The following KLK9 variants were observed in gnomAD, a reference collection of about 807,000 sequenced individuals.
KLK9 encodes the protein kallikrein-9.
In KLK9, 26 loss-of-function variants were observed where a neutral mutation model predicts 23.3. The ratio of observed to expected loss-of-function variants is 1.12; its 90% CI spans 0.82 to 1.55. The LOEUF is 1.55. Ranked by LOEUF, KLK9 falls within the 40% of genes most tolerant of loss-of-function variation. KLK9 has a pLI of 0.00. For synonymous variants in KLK9, 122 were observed against 128.5 expected (o/e 0.95, Z 0.34); for missense variants, 346 against 333.7 (o/e 1.04, Z -0.29).
Position 51,002,887 on chromosome 19 carries a change from T to C in KLK9, c.*224A>G. On this transcript the variant is annotated 3_prime_UTR_variant, in exon 5 of 5. Coordinates refer to ENST00000594211, the MANE Select transcript of KLK9 (RefSeq NM_012315.2). The stretch of plus-strand genomic sequence containing the variant: ...TGTCGGTGACGTCATAGAGACGGGC[T>C]CTGAAGGGCGTGTCCCTGCTCCGTT... 2.0e-6 allele frequency: 1 copy of C among 490,216 alleles called. No individual in the cohort carries two copies. Among genetic ancestry groups the C allele is most frequent in the Non-Finnish European group, 3.6e-6 (1 of 280,616 alleles). 30.4% of individuals were successfully genotyped at this position (490,216 alleles called of 1,614,324 possible).
chr19:51,008,518 A>G (rs929257755), intron 2 of KLK9, among the ~76,000 whole-genome samples: 1 of 152,128 alleles, frequency 6.6e-6, no homozygotes, highest in Non-Finnish European at 1.5e-5. Flanking sequence ...TATTCAATGA[A>G]TCTAGAAAGC....
chr19:51,002,989 G>T lies in KLK9; in HGVS notation c.*122C>A. On this transcript the variant is annotated 3_prime_UTR_variant, in exon 5 of 5. Transcript: ENST00000594211. ...AGGGGCGGAGTCTTAGTGTCCAGAG[G>T]GGAGTCAGGGCAGCTGGAGGTCCAG... 1 of 1,207,328 alleles carries T rather than the reference G, an allele frequency of 8.3e-7. No individual in the cohort carries two copies. Among genetic ancestry groups the T allele is most frequent in the Non-Finnish European group, 1.1e-6 (1 of 873,670 alleles). The allele number at this position is 1,207,328 out of a possible 1,614,324, so 74.8% of individuals were successfully genotyped here.
rs578059107 is a variant in KLK9, at chr19:51,002,640, A to T, written c.*471T>A. On this transcript the variant is annotated 3_prime_UTR_variant, in exon 5 of 5. Coordinates refer to ENST00000594211, the MANE Select transcript of KLK9 (RefSeq NM_012315.2). ...CAGCACACGCCCAGGACGGGGCCAC[A>T]AGGGGCTGAGCTCTACACCGCCCGA... 1 of 153,490 alleles carries T rather than the reference A, an allele frequency of 6.5e-6. No individual in the cohort carries two copies. The highest frequency in any genetic ancestry group is 2.0e-4 in the East Asian group (1 of 5,072). 9.5% of individuals were successfully genotyped at this position (153,490 alleles called of 1,614,324 possible). A position where few individuals can be genotyped will look rare whatever the true frequency, so the allele number is the denominator to read the frequency against.
Position 51,006,481 on chromosome 19 carries a change from C to G in KLK9, c.443G>C (p.Trp148Ser). ...SPGMQCLISG[W>S]GAVSSPKALF... ...ACCCTTGGGGCTGGACACGGCCCCC[C>G]AGCCTGAGATGAGACACTGCATGCC... Residue 148 changes from tryptophan (W) to serine (S), a missense_variant, in exon 3 of 5, where the codon TGG (tryptophan) becomes TCG (serine). Physicochemically the swap from Trp to Ser is radical, Grantham distance 177. Transcript: ENST00000594211. This position sits in a 1 kb window ranked among gnomAD's most constrained non-coding sequence, Gnocchi z 4.1. The G allele has an allele frequency of 6.2e-7, 1 of 1,612,164 alleles. No individual in the cohort carries two copies. The highest frequency in any genetic ancestry group is 1.1e-5 in the South Asian group (1 of 90,964).
At position 51,002,890 on chromosome 19, in the gene KLK9, G is replaced by T. The variant is rs1175775511; in HGVS notation, c.*221C>A. The T allele has an allele frequency of 6.0e-6, 3 of 499,930 alleles. No homozygotes were observed. The highest frequency in any genetic ancestry group is 1.0e-5 in the Non-Finnish European group (3 of 287,070). 31.0% of individuals were successfully genotyped at this position (499,930 alleles called of 1,614,324 possible). On this transcript the variant is annotated 3_prime_UTR_variant, in exon 5 of 5. Coordinates refer to ENST00000594211, the MANE Select transcript of KLK9 (RefSeq NM_012315.2). Reference sequence around the variant, plus strand: ...CGGTGACGTCATAGAGACGGGCTCTGAAGGGCGTGTCCCTGCTCCGTTCCG... The same window carrying T: ...CGGTGACGTCATAGAGACGGGCTCTTAAGGGCGTGTCCCTGCTCCGTTCCG...
At chr19:51,008,571 T>C (rs1485662252) in intron 2 of KLK9, among the ~76,000 whole-genome samples, 2 of 152,164 alleles carry the variant, frequency 1.3e-5, no homozygotes, top group South Asian at 2.1e-4. Flanking sequence ...ATTATGGCTA[T>C]TGAACACTTG....
chr19:51,005,851 G>C (rs2091253249), intron 3 of KLK9, among the ~76,000 whole-genome samples: 2 of 151,350 alleles, frequency 1.3e-5, no homozygotes, highest in Admixed American at 1.3e-4. Context: ...GTCCAAGGCG[G>C]GCAGATCACC....
chr19:51,008,674 G>A (rs952108), intron 2 of KLK9, among the ~76,000 whole-genome samples: 81,571 of 152,042 alleles, frequency 0.54, 24,036 homozygotes, highest in African/African-American at 0.79. Context: ...AAACTGTATC[G>A]TTCATACGTA....
At chr19:51,008,358 A>G (rs7254011) in intron 2 of KLK9, among the ~76,000 whole-genome samples, 2,296 of 148,592 alleles carry the variant, frequency 0.015, 47 homozygotes, top group African/African-American at 0.052. Context: ...AAAAAAAAAA[A>G]AAAGAAAGAC....
intron 2 of KLK9, among the ~76,000 whole-genome samples, chr19:51,008,861 T>C (rs983511004): frequency 1.3e-5 from 2 of 152,210 alleles, no homozygotes; most frequent in Non-Finnish European, 2.9e-5. Flanking sequence ...AAGATTCTAA[T>C]AGTCTGCGAA....
intron 3 of KLK9, 124 bp from the exon 4 acceptor site, chr19:51,003,964 GAT>G: frequency 1.4e-6 from 1 of 729,786 alleles, no homozygotes; most frequent in Non-Finnish European, 2.3e-6. Context: ...GACTCTCAAA[GAT>G]AGAGACAAGA....
rs551645359 is a variant in KLK9, at chr19:51,002,543, C to G, written c.*568G>C. ...TTTCCCGCGTTTACTGAAAAATCAT[C>G]CGTTGCATTGGCTCTAAAGGTATCC... On this transcript the variant is annotated 3_prime_UTR_variant, in exon 5 of 5. Transcript: ENST00000594211. 1.1e-3 allele frequency: 167 copies of G among 152,612 alleles called. 1 individual carries two copies. Among genetic ancestry groups the G allele is most frequent in the African/African-American group, 3.5e-3 (146 of 41,574 alleles). 9.5% of individuals were successfully genotyped at this position (152,612 alleles called of 1,614,324 possible).
chr19:51,007,628 T>TCCC (rs1353971347), intron 2 of KLK9, among the ~76,000 whole-genome samples: 1 of 151,880 alleles, frequency 6.6e-6, no homozygotes, highest in Non-Finnish European at 1.5e-5. Context: ...AACATCGTTC[T>TCCC]CCCAGTCTGA....
rs780545142 is a variant in KLK9 at position 51,006,590 on chromosome 19, T to C, written c.334A>G (p.Ile112Val). ...DLSANDHNDD[I>V]MLIRLPRQAR... is the part of the protein sequence containing the mutation. ...TGCCTGGGCAGGCGGATCAGCATGA[T>C]GTCATCATTGTGGTCATTGGCGCTG... Residue 112 changes from isoleucine to valine, a missense_variant, in exon 3 of 5, where the codon ATC (isoleucine) becomes GTC (valine). Transcript: ENST00000594211. The surrounding 1 kb of genome is among the most constrained non-coding windows in gnomAD (Gnocchi z 4.1). The C allele has an allele frequency of 6.2e-7, 1 of 1,613,256 alleles. No individual in the cohort carries two copies. The highest frequency in any genetic ancestry group is 8.5e-7 in the Non-Finnish European group (1 of 1,179,456).
chr19:51,007,600 A>G (rs1324543625), intron 2 of KLK9, among the ~76,000 whole-genome samples: 1 of 151,534 alleles, frequency 6.6e-6, no homozygotes, highest in African/African-American at 2.4e-5. Flanking sequence ...CTCCTGCTTC[A>G]CTTTCGGCTG....
intron 2 of KLK9, among the ~76,000 whole-genome samples, chr19:51,007,492 G>A (rs2091260273): frequency 2.0e-5 from 3 of 151,780 alleles, no homozygotes; most frequent in African/African-American, 4.8e-5. Context: ...TGCTGTCTTG[G>A]CTCTGGATCT....
chr19:51,005,933 G>GATAATA (rs144461714), intron 3 of KLK9, among the ~76,000 whole-genome samples: 4,719 of 149,030 alleles, frequency 0.032, 137 homozygotes, highest in Middle Eastern at 0.059. Flanking sequence ...CAAAAAAAAA[G>GATAATA]ATAATAATAA....
intron 2 of KLK9, among the ~76,000 whole-genome samples, chr19:51,008,575 A>G (rs1218805839): frequency 6.6e-6 from 1 of 152,208 alleles, no homozygotes. Context: ...TGGCTATTGA[A>G]CACTTGAAAT....
Position 51,002,602 on chromosome 19 carries a change from C to G in KLK9, c.*509G>C, listed in dbSNP as rs185949630. ...CCTCAATTTCCCCCCAGGTCTCCGC[C>G]AGGATTCAAACCCAGCACACGCCCA... is the stretch of plus-strand genomic sequence containing the variant. On this transcript the variant is annotated 3_prime_UTR_variant, in exon 5 of 5. Transcript: ENST00000594211. 6.5e-6 allele frequency: 1 copy of G among 153,962 alleles called. No individual in the cohort carries two copies. The highest frequency in any genetic ancestry group is 1.9e-4 in the East Asian group (1 of 5,220). The allele number at this position is 153,962 out of a possible 1,614,324, so 9.5% of individuals were successfully genotyped here.
Sources: gnomAD v4.1 joint callset for allele counts (sites outside exome capture counted in the v4.1 genomes callset) on GRCh38, gnomAD v4.1.1 for gene constraint, Gnocchi (gnomAD v3.1) non-coding constraint, MANE v1.5 for transcripts, NCBI Gene and HGNC (gene_info 2026-07-23, HGNC 2026-07-21) for gene names.